KLHDC4: variants seen among roughly 807,000 people sequenced by gnomAD.
KLHDC4 encodes the protein kelch domain containing 4, also known as kelch domain-containing protein 4.
Under a neutral mutation model 62.4 loss-of-function variants are expected in KLHDC4, and 90 were observed. The ratio of observed to expected loss-of-function variants is 1.44; its 90% confidence interval spans 1.22 to 1.72. The LOEUF (loss-of-function observed/expected upper bound fraction) is 1.72. Ranked by LOEUF, KLHDC4 falls within the 40% of genes most tolerant of loss-of-function variation. The pLI is 0.00. For missense variants in KLHDC4, 1,025 were observed against 699.7 expected (o/e 1.47, Z -5.25); for synonymous variants, 386 against 284.4 (o/e 1.36, Z -3.59).
At chr16:87,709,023 T>C (rs1344490364) in intron 10 of KLHDC4, among the ~76,000 whole-genome samples, 1 of 152,220 alleles carries the variant, frequency 6.6e-6, no homozygotes, top group East Asian at 1.9e-4. Flanking sequence ...CCGTGTCCTG[T>C]GCCGCCAGAG....
chr16:87,720,470 C>T (rs933131309), intron 7 of KLHDC4, among the ~76,000 whole-genome samples: 1 of 152,210 alleles, frequency 6.6e-6, no homozygotes, highest in African/African-American at 2.4e-5. Flanking sequence ...GAGCACAGCT[C>T]GGGCAAGCAG....
intron 1 of KLHDC4, 121 bp from the exon 2 acceptor site, chr16:87,762,161 C>T (rs1383876761): frequency 6.0e-6 from 9 of 1,511,118 alleles, no homozygotes; most frequent in Non-Finnish European, 7.1e-6. Flanking sequence ...CTGTGAATTG[C>T]AACATACTGT....
At chr16:87,738,576 C>CCATCCACACACCAGCACCT (rs1196536350) in intron 5 of KLHDC4, among the ~76,000 whole-genome samples, 313 of 148,916 alleles carry the variant, frequency 2.1e-3, no homozygotes, top group Middle Eastern at 7.0e-3. Context: ...AGCACCTCAT[C>CCATCCACACACCAGCACCT]CATCCACACA....
At chr16:87,728,573 A>C (rs1252090612) in intron 6 of KLHDC4, among the ~76,000 whole-genome samples, 1 of 152,220 alleles carries the variant, frequency 6.6e-6, no homozygotes, top group Non-Finnish European at 1.5e-5. Flanking sequence ...TGTAAGTTCA[A>C]AGGAGGAAGG....
intron 4 of KLHDC4, chr16:87,750,218 C>G (rs1399110133): frequency 6.6e-6 from 1 of 152,300 alleles, no homozygotes; most frequent in Non-Finnish European, 1.5e-5. Flanking sequence ...CCAAGCTCCA[C>G]GGGGTCTTTC....
intron 2 of KLHDC4, among the ~76,000 whole-genome samples, chr16:87,759,916 G>T (rs574763752): frequency 6.6e-6 from 1 of 152,146 alleles, no homozygotes; most frequent in Non-Finnish European, 1.5e-5. Context: ...TGTTGCCGCC[G>T]CACAGGCAGG....
At chr16:87,765,645 G>A (rs2143559646) in intron 1 of KLHDC4, 147 bp downstream of exon 1, 1 of 703,738 alleles carries the variant, frequency 1.4e-6, no homozygotes, top group Non-Finnish European at 2.3e-6. Flanking sequence ...CCCGGACGCG[G>A]CGCCGGGGCA....
At chr16:87,735,804 C>A (rs1477177668) in intron 5 of KLHDC4, among the ~76,000 whole-genome samples, 1 of 152,228 alleles carries the variant, frequency 6.6e-6, no homozygotes, top group Non-Finnish European at 1.5e-5. Flanking sequence ...GTGGTGGCGG[C>A]TGCCTCGAGG....
At chr16:87,743,459 G>A (rs563909664) in intron 5 of KLHDC4, among the ~76,000 whole-genome samples, 1 of 152,200 alleles carries the variant, frequency 6.6e-6, no homozygotes, top group South Asian at 2.1e-4. Flanking sequence ...AATAAACCTG[G>A]CCAGGCGCCG....
chr16:87,726,864 C>T lies in KLHDC4; in HGVS notation c.660G>A (p.Lys220=). ...TGGGCCCCGTCCCTGACGGGGACAG[C>T]TTGCTCCATGTGAAGGTGTCCAGAT... ...AFNLDTFTWS[K]LSPSGTGPTP... Residue 220 remains lysine, a synonymous_variant, in exon 7 of 12, where the codon AAG becomes AAA. Transcript: ENST00000270583. The T allele has an allele frequency of 1.2e-6, 2 of 1,613,750 alleles. No individual in the cohort carries two copies. The highest frequency in any genetic ancestry group is 1.7e-6 in the Non-Finnish European group (2 of 1,179,868).
At chr16:87,705,132 C>T (rs954671151), downstream of KLHDC4, among the ~76,000 whole-genome samples, 1 of 152,234 alleles carries the variant, frequency 6.6e-6, no homozygotes, top group South Asian at 2.1e-4. Context: ...CTCACCACAG[C>T]GAGGAACTGG....
chr16:87,765,329 AT>A, intron 1 of KLHDC4: 1 of 456,816 alleles, frequency 2.2e-6, no homozygotes, highest in Non-Finnish European at 4.4e-6. Flanking sequence ...TGCTGTGATG[AT>A]TATTTGCCCT....
chr16:87,718,745 C>T (rs80037751), intron 7 of KLHDC4, among the ~76,000 whole-genome samples: 1 of 148,178 alleles, frequency 6.7e-6, no homozygotes, highest in African/African-American at 2.5e-5. Flanking sequence ...GTGAGGAGCG[C>T]CTCTTCCCGG....
chr16:87,725,405 G>C (rs1251029479), intron 7 of KLHDC4, among the ~76,000 whole-genome samples: 1 of 152,044 alleles, frequency 6.6e-6, no homozygotes, highest in African/African-American at 2.4e-5. Context: ...GACCTCGTGA[G>C]CCGCCCGCCT....
intron 7 of KLHDC4, among the ~76,000 whole-genome samples, chr16:87,719,911 G>A (rs904463607): frequency 1.3e-5 from 2 of 152,182 alleles, no homozygotes; most frequent in Admixed American, 6.5e-5. Flanking sequence ...GAGGCGCATC[G>A]GCCGCACACG....
At chr16:87,704,282 G>A (rs948000758), downstream of KLHDC4, among the ~76,000 whole-genome samples, 11 of 150,580 alleles carry the variant, frequency 7.3e-5, no homozygotes, top group Non-Finnish European at 1.3e-4. Context: ...GGAAGGAGGC[G>A]CCTGGGGAGG....
intron 5 of KLHDC4, among the ~76,000 whole-genome samples, 169 bp downstream of exon 5, chr16:87,748,504 G>A (rs146462190): frequency 1.8e-3 from 268 of 152,278 alleles, no homozygotes; most frequent in African/African-American, 6.2e-3. Flanking sequence ...TCTGTATGAA[G>A]GGTCCAGAGA....
rs200777671 is a variant in KLHDC4, at chr16:87,709,455, A to G, written c.1257T>C (p.Leu419=). ...CAGGTGCGGGGCTGCCGGCCTCCTC[A>G]AGGCTGTCTTCGTCCTCAGACCGGG... The part of the protein sequence containing the change: ...GQPRSEDEDS[L]EEAGSPAPGP... Residue 419 remains leucine (L), a synonymous_variant, in exon 10 of 12, where the codon CTT becomes CTC. Coordinates refer to ENST00000270583, the MANE Select transcript of KLHDC4 (RefSeq NM_017566.4). 7.6e-5 allele frequency: 122 copies of G among 1,611,988 alleles called. No individual in the cohort carries two copies. The highest frequency in any genetic ancestry group is 1.0e-4 in the Non-Finnish European group (121 of 1,179,878).
Position 87,709,633 on chromosome 16 carries a change from C to T in KLHDC4, c.1079G>A (p.Gly360Asp), listed in dbSNP as rs778899427. 5.0e-6 allele frequency: 8 copies of T among 1,606,474 alleles called. No individual in the cohort carries two copies. In the South Asian group the frequency reaches 8.9e-5, roughly 18 times the overall value. ...ACCACCTTCGGGCTCCTCTTTTCTG[C>T]CCCGCCTGCGTTTCTTCTTTTCAGA... The part of the protein sequence containing the change: ...PKSEKKKRRR[G>D]RKEEPEGGSR... The change falls in exon 10 of 12, where the codon GGC (glycine) becomes GAC (aspartate). Residue 360 changes from glycine to aspartate, a missense_variant. Transcript: ENST00000270583.
Sources: gnomAD v4.1 joint callset for allele counts (sites outside exome capture counted in the v4.1 genomes callset) on GRCh38, gnomAD v4.1.1 for gene constraint, MANE v1.5 for transcripts, NCBI Gene and HGNC (gene_info 2026-07-23, HGNC 2026-07-21) for gene names.